The following GPR26 variants were observed in gnomAD, a reference collection of about 807,000 sequenced individuals.
The protein encoded by GPR26 is G protein-coupled receptor 26.
GPR26 carries 15 observed loss-of-function variants against 23.1 expected under a neutral mutation model. That is an observed-to-expected ratio of 0.65 (90% CI 0.43 to 1.00). GPR26 has a LOEUF of 1.00. GPR26 is among the 50% of genes least tolerant of loss of function. GPR26 has a pLI of 0.00. For missense variants in GPR26, 359 were observed against 470.5 expected (o/e 0.76, Z 2.19); for synonymous variants, 228 against 222.1 (o/e 1.03, Z -0.24).
At position 123,672,730 on chromosome 10, in the gene GPR26, TGGTTTGCCCGA is replaced by T. The variant is rs527378262; in HGVS notation, c.669-2084_669-2074del. Among the ~76,000 whole-genome samples, 310 of 152,322 alleles carry T rather than the reference TGGTTTGCCCGA, an allele frequency of 2.0e-3. 1 individual carries two copies. The highest frequency in any genetic ancestry group is 7.0e-3 in the African/African-American group (292 of 41,558). On this transcript the variant is annotated intron_variant, in intron 1 of 2. Coordinates refer to ENST00000284674, the MANE Select transcript of GPR26 (RefSeq NM_153442.4). ...CATCACCTAGAGTGACGAACCGTCCTGGTTTGCCCGAGGTAGAGGAGGGATTCTCAGATCTG... is the reference window on the plus strand; with the variant it reads ...CATCACCTAGAGTGACGAACCGTCCTGGTAGAGGAGGGATTCTCAGATCTG...
chr10:123,685,195 C>T (rs772688756), intron 2 of GPR26, among the ~76,000 whole-genome samples: 7 of 152,094 alleles, frequency 4.6e-5, no homozygotes, highest in Non-Finnish European at 1.0e-4. Flanking sequence ...GGGAAGGGCA[C>T]AAGGAAGGGG....
intron 2 of GPR26, among the ~76,000 whole-genome samples, chr10:123,685,125 C>G (rs1845417325): frequency 6.6e-6 from 1 of 152,172 alleles, no homozygotes; most frequent in South Asian, 2.1e-4. Flanking sequence ...CTTTAGCACA[C>G]TGTGACCCTG....
At chr10:123,684,267 GGGGCGGCACCC>G (rs1356157971) in intron 2 of GPR26, among the ~76,000 whole-genome samples, 1 of 152,192 alleles carries the variant, frequency 6.6e-6, no homozygotes, top group Admixed American at 6.5e-5. Flanking sequence ...AGGGTGGCAA[GGGGCGGCACCC>G]TGTTCCTGGG....
chr10:123,673,115 C>G (rs1363410788), intron 1 of GPR26, among the ~76,000 whole-genome samples: 2 of 152,132 alleles, frequency 1.3e-5, no homozygotes, highest in African/African-American at 2.4e-5. Context: ...CATTTTCAGC[C>G]AGGACGAAAT....
chr10:123,675,833 C>CAT (rs71281364), intron 2 of GPR26, among the ~76,000 whole-genome samples: 6 of 134,096 alleles, frequency 4.5e-5, no homozygotes, highest in African/African-American at 1.7e-4. Context: ...TGTGTGTGTA[C>CAT]GTGTGTGTGT....
At chr10:123,680,099 G>A (rs367627545) in intron 2 of GPR26, among the ~76,000 whole-genome samples, 1 of 152,226 alleles carries the variant, frequency 6.6e-6, no homozygotes, top group Non-Finnish European at 1.5e-5. Flanking sequence ...CAGTGGTGGT[G>A]GCCCAGGGGC....
At chr10:123,686,400 A>G (rs904535572) in intron 2 of GPR26, among the ~76,000 whole-genome samples, 2 of 152,136 alleles carry the variant, frequency 1.3e-5, no homozygotes, top group African/African-American at 2.4e-5. Context: ...CCATTTCCCC[A>G]TTCAGGCTCC....
At position 123,694,032 on chromosome 10, in the gene GPR26, C is replaced by T. The variant is rs952254516; in HGVS notation, c.*5872C>T. ...TATGAGCAGACTTGCCTGTCACTCTCCAAACATTTACTGAACACCTACTGT... is the reference window on the plus strand; with the variant it reads ...TATGAGCAGACTTGCCTGTCACTCTTCAAACATTTACTGAACACCTACTGT... On this transcript the variant is annotated 3_prime_UTR_variant, in exon 3 of 3. Transcript: ENST00000284674. The T allele has an allele frequency of 4.0e-5, 6 of 151,736 alleles. No individual in the cohort carries two copies. The highest frequency in any genetic ancestry group is 1.4e-4 in the African/African-American group (6 of 41,404). 9.4% of individuals were successfully genotyped at this position (151,736 alleles called of 1,614,324 possible).
rs557675988 is a variant in GPR26, at chr10:123,672,111, G to T, written c.669-2707G>T. ...GGAAAGCAGGAGAGCCCCAGGCAGA[G>T]GAGATGGATTCATCCTTTTCTTTTG... On this transcript the variant is annotated intron_variant, in intron 1 of 2. Coordinates refer to ENST00000284674, the MANE Select transcript of GPR26 (RefSeq NM_153442.4). Among the ~76,000 whole-genome samples the T allele has an allele frequency of 8.5e-4, 129 of 152,332 alleles. 1 individual carries two copies. Among genetic ancestry groups the T allele is most frequent in the Non-Finnish European group, 1.6e-3 (110 of 68,036 alleles).
chr10:123,675,033 C>T (rs963027134), intron 2 of GPR26, 102 bp downstream of exon 2: 65 of 715,452 alleles, frequency 9.1e-5, no homozygotes, highest in Middle Eastern at 7.4e-4. Context: ...TTCTTCTGCA[C>T]GGTGTGTTGT....
At chr10:123,687,841 C>A (rs1845445029) in intron 2 of GPR26, 88 bp from the exon 3 acceptor site, 1 of 850,084 alleles carries the variant, frequency 1.2e-6, no homozygotes, top group South Asian at 1.4e-5. Context: ...AAACCGTGGT[C>A]TGCAGGGCAC....
intron 2 of GPR26, among the ~76,000 whole-genome samples, chr10:123,681,277 C>T (rs1845372199): frequency 6.6e-6 from 1 of 152,172 alleles, no homozygotes; most frequent in African/African-American, 2.4e-5. Flanking sequence ...ACAATGACCG[C>T]TCTGCTTCTT....
At chr10:123,676,957 C>T (rs1359657302) in intron 2 of GPR26, among the ~76,000 whole-genome samples, 1 of 152,164 alleles carries the variant, frequency 6.6e-6, no homozygotes, top group African/African-American at 2.4e-5. Context: ...TCCACAGTGC[C>T]CCTGCCCCGG....
chr10:123,667,470 A>G (rs1324470459), intron 1 of GPR26, among the ~76,000 whole-genome samples: 1 of 152,070 alleles, frequency 6.6e-6, no homozygotes, highest in South Asian at 2.1e-4. Context: ...CTCGATGCTT[A>G]GGGAGCTCCT....
chr10:123,666,935 C>T lies in GPR26; in HGVS notation c.528C>T (p.Phe176=). ...GCTTCGCCGTCTTCACTGGCGCCTT[C>T]CACGCTCTCAGCTTCCTGCTCTCCT... ...RLRFAVFTGA[F]HALSFLLSFV... Residue 176 remains phenylalanine (F), a synonymous_variant, in exon 1 of 3, where the codon TTC becomes TTT. Coordinates refer to ENST00000284674, the MANE Select transcript of GPR26 (RefSeq NM_153442.4). 3 of 1,613,730 alleles carry T rather than the reference C, an allele frequency of 1.9e-6. No individual in the cohort carries two copies. The highest frequency in any genetic ancestry group is 2.5e-6 in the Non-Finnish European group (3 of 1,179,984).
At chr10:123,687,373 T>C (rs1845440062) in intron 2 of GPR26, among the ~76,000 whole-genome samples, 1 of 152,138 alleles carries the variant, frequency 6.6e-6, no homozygotes. Context: ...ACCAGACTCT[T>C]CTAGTTAAAA....
Position 123,696,423 on chromosome 10 carries a change from G to A in GPR26, c.*8263G>A, listed in dbSNP as rs1845544972. Among the ~76,000 whole-genome samples, 1 of 152,072 alleles carries A rather than the reference G, an allele frequency of 6.6e-6. No homozygotes were observed. Among genetic ancestry groups the A allele is most frequent in the Non-Finnish European group, 1.5e-5 (1 of 68,018 alleles). On this transcript the variant is annotated 3_prime_UTR_variant, in exon 3 of 3. Transcript: ENST00000284674. Reference sequence around the variant, plus strand: ...TTTTCATGTCTGTGAAAAGTGGGGTGGGGAACTCACACCAACCATAGCTTG... The same window carrying A: ...TTTTCATGTCTGTGAAAAGTGGGGTAGGGAACTCACACCAACCATAGCTTG...
Position 123,674,975 on chromosome 10 carries a change from G to T in GPR26, c.782+44G>T. 8.1e-7 allele frequency: 1 copy of T among 1,241,154 alleles called. No homozygotes were observed. The highest frequency in any genetic ancestry group is 1.2e-5 in the South Asian group (1 of 80,652). 76.9% of individuals were successfully genotyped at this position (1,241,154 alleles called of 1,614,324 possible). A position where few individuals can be genotyped will look rare whatever the true frequency, so the allele number is the denominator to read the frequency against. ...TGTGTCTTGGGACTTTGAAGAGTAAGGCAGGGCCCAGTGACCTTTAGCAGT... is the reference window on the plus strand; with the variant it reads ...TGTGTCTTGGGACTTTGAAGAGTAATGCAGGGCCCAGTGACCTTTAGCAGT... On this transcript the variant is annotated intron_variant, in intron 2 of 2. Transcript: ENST00000284674. This position sits in a 1 kb window ranked among gnomAD's most constrained non-coding sequence, Gnocchi z 4.1.
rs1466608401 is a variant in GPR26, at chr10:123,690,821, G to A, written c.*2661G>A. On this transcript the variant is annotated 3_prime_UTR_variant, in exon 3 of 3. Transcript: ENST00000284674. ...CCAATTGAATTATCTACCTCATTTT[G>A]TTAATTTAATTTATCAAAGGTAACA... 1 of 152,060 alleles carries A rather than the reference G, an allele frequency of 6.6e-6. No individual in the cohort carries two copies. Among genetic ancestry groups the A allele is most frequent in the African/African-American group, 2.4e-5 (1 of 41,404 alleles). 9.4% of individuals were successfully genotyped at this position (152,060 alleles called of 1,614,324 possible).
Sources: allele counts gnomAD v4.1 joint callset (sites outside exome capture counted in the v4.1 genomes callset), GRCh38; gene constraint gnomAD v4.1.1; non-coding constraint Gnocchi (gnomAD v3.1); transcripts MANE v1.5; gene names NCBI Gene and HGNC (gene_info 2026-07-23, HGNC 2026-07-21).